The following NDC1 variants were observed in gnomAD, a reference collection of about 807,000 sequenced individuals.
The protein encoded by NDC1 is nucleoporin NDC1.
In NDC1, 24 loss-of-function variants were observed where a neutral mutation model predicts 89.8. The observed-to-expected ratio is 0.27, with a 90% CI of 0.19 to 0.38. The LOEUF (loss-of-function observed/expected upper bound fraction) is 0.38. Among genes scored for constraint, NDC1 ranks in the 10% least tolerant of loss-of-function variants. The pLI is 1.00. For synonymous variants in NDC1, 296 were observed against 284.8 expected (o/e 1.04, Z -0.39); for missense variants, 728 against 797.6 (o/e 0.91, Z 1.05).
At position 53,800,837 on chromosome 1, in the gene NDC1, G is replaced by A; in HGVS notation, c.1078C>T (p.His360Tyr). 1.3e-6 allele frequency: 2 copies of A among 1,597,730 alleles called. No homozygotes were observed. The highest frequency in any genetic ancestry group is 1.4e-5 in the African/African-American group (1 of 73,960). Residue 360 changes from histidine (H) to tyrosine (Y), a missense_variant, in exon 11 of 18, where the codon CAC becomes TAC. Physicochemically the swap from His to Tyr is moderately conservative, Grantham distance 83. Transcript: ENST00000371429. ...TCCCTTGAAATGGCTGTCCAATTGT[G>A]GGGATGTCCACCTAGGAGGTCCAAA... ...FSLSQPGGHPHNWTAISRECL... is the reference protein window; with the variant it reads ...FSLSQPGGHPYNWTAISRECL...
intron 17 of NDC1, among the ~76,000 whole-genome samples, chr1:53,770,429 C>G (rs1196732601): frequency 6.6e-6 from 1 of 152,066 alleles, no homozygotes. Flanking sequence ...GCATCAGCCT[C>G]TGGAGTAGCT....
chr1:53,836,650 C>A (rs113016399), intron 1 of NDC1, among the ~76,000 whole-genome samples: 2 of 151,780 alleles, frequency 1.3e-5, no homozygotes, highest in Non-Finnish European at 2.9e-5. Context: ...TGCCCGCCAC[C>A]ACACCTGACT....
chr1:53,837,559 G>T (rs1174272903), intron 1 of NDC1, among the ~76,000 whole-genome samples: 1 of 151,454 alleles, frequency 6.6e-6, no homozygotes, highest in Admixed American at 6.6e-5. Flanking sequence ...AACAGGGAGC[G>T]AGCCTCCGGC....
At chr1:53,834,728 T>C (rs1037034238) in intron 2 of NDC1, among the ~76,000 whole-genome samples, 1 of 152,164 alleles carries the variant, frequency 6.6e-6, no homozygotes, top group African/African-American at 2.4e-5. Flanking sequence ...TGGCACACGG[T>C]AAACAGGCAA....
At position 53,806,511 on chromosome 1, in the gene NDC1, C is replaced by T; in HGVS notation, c.898G>A (p.Val300Met). ...LFKIYATEAH[V>M]FPVQPPFAEG... Reference sequence around the variant, plus strand: ...GCAAATGGTGGTTGAACAGGAAACACATGAGCCTATCAAATAAATTAAAAA... The same window carrying T: ...GCAAATGGTGGTTGAACAGGAAACATATGAGCCTATCAAATAAATTAAAAA... Residue 300 changes from valine to methionine, a missense_variant, in exon 9 of 18, where the codon GTG becomes ATG. By Grantham distance (21) the Val-to-Met change is conservative. Transcript: ENST00000371429. 1 of 1,484,786 alleles carries T rather than the reference C, an allele frequency of 6.7e-7. No individual in the cohort carries two copies. Among genetic ancestry groups the T allele is most frequent in the East Asian group, 2.5e-5 (1 of 39,422 alleles). The allele number at this position is 1,484,786 out of a possible 1,614,324, so 92.0% of individuals were successfully genotyped here. A position where few individuals can be genotyped will look rare whatever the true frequency, so the allele number is the denominator to read the frequency against.
intron 16 of NDC1, among the ~76,000 whole-genome samples, chr1:53,779,804 C>T (rs1229925697): frequency 1.3e-5 from 2 of 152,180 alleles, no homozygotes; most frequent in African/African-American, 2.4e-5. Context: ...TTTTGGAATA[C>T]TATGCAAATG....
At chr1:53,774,079 A>G (rs1191347998) in intron 16 of NDC1, among the ~76,000 whole-genome samples, 1 of 152,156 alleles carries the variant, frequency 6.6e-6, no homozygotes, top group African/African-American at 2.4e-5. Context: ...CAGCTTTGAA[A>G]GTTTTGTTGC....
chr1:53,780,365 C>T (rs540013243), intron 16 of NDC1, among the ~76,000 whole-genome samples: 80 of 152,314 alleles, frequency 5.3e-4, no homozygotes, highest in African/African-American at 1.8e-3. Flanking sequence ...TGAGCCACCG[C>T]GCCCAGCCTC....
intron 16 of NDC1, among the ~76,000 whole-genome samples, chr1:53,777,210 G>A (rs758047057): frequency 2.0e-5 from 3 of 152,024 alleles, no homozygotes; most frequent in Non-Finnish European, 4.4e-5. Flanking sequence ...TTTTTATAGA[G>A]ACAGGATCTC....
chr1:53,793,567 T>C (rs1312553809), intron 13 of NDC1, among the ~76,000 whole-genome samples: 1 of 152,156 alleles, frequency 6.6e-6, no homozygotes, highest in Non-Finnish European at 1.5e-5. Flanking sequence ...CTAAGTGGTT[T>C]TGGTGAAATT....
intron 10 of NDC1, among the ~76,000 whole-genome samples, chr1:53,803,636 A>G (rs1048846026): frequency 4.6e-5 from 7 of 152,216 alleles, no homozygotes; most frequent in Admixed American, 6.5e-5. Context: ...CAGTAGCGCA[A>G]TCTCGGCTCA....
At chr1:53,774,200 G>A (rs183691923) in intron 16 of NDC1, among the ~76,000 whole-genome samples, 62 of 152,202 alleles carry the variant, frequency 4.1e-4, no homozygotes, top group African/African-American at 1.5e-3. Context: ...AGTCTGCCAC[G>A]GTAACTTTAG....
intron 16 of NDC1, among the ~76,000 whole-genome samples, chr1:53,776,386 T>C (rs1034912683): frequency 6.6e-6 from 1 of 152,190 alleles, no homozygotes; most frequent in Non-Finnish European, 1.5e-5. Flanking sequence ...AATTGAGATA[T>C]GCTACAAAGT....
At chr1:53,820,475 A>G (rs978833879) in intron 5 of NDC1, among the ~76,000 whole-genome samples, 1 of 152,050 alleles carries the variant, frequency 6.6e-6, no homozygotes, top group Non-Finnish European at 1.5e-5. Context: ...AACATGGCAC[A>G]TGTATACATA....
chr1:53,787,354 A>G, intron 15 of NDC1, 96 bp from the exon 16 acceptor site: 3 of 726,054 alleles, frequency 4.1e-6, no homozygotes, highest in Middle Eastern at 4.0e-4. Flanking sequence ...TTCTGAATAT[A>G]AAAAGAAATA....
chr1:53,774,753 G>A (rs1206888146), intron 16 of NDC1, among the ~76,000 whole-genome samples: 1 of 151,988 alleles, frequency 6.6e-6, no homozygotes, highest in Non-Finnish European at 1.5e-5. Context: ...GCTGGATGTG[G>A]TCCAATACCT....
intron 11 of NDC1, 88 bp downstream of exon 11, chr1:53,800,605 G>A (rs142869965): frequency 1.0e-5 from 15 of 1,459,258 alleles, no homozygotes; most frequent in Admixed American, 6.9e-5. Flanking sequence ...GATAACAGGC[G>A]TGAGCCACAG....
intron 16 of NDC1, among the ~76,000 whole-genome samples, chr1:53,786,612 T>A (rs915752837): frequency 3.9e-5 from 6 of 152,248 alleles, no homozygotes; most frequent in African/African-American, 1.4e-4. Context: ...CAGGGGCATA[T>A]CCTACAGGTT....
intron 14 of NDC1, among the ~76,000 whole-genome samples, chr1:53,789,829 C>T (rs1390978921): frequency 6.7e-6 from 1 of 148,648 alleles, no homozygotes; most frequent in East Asian, 2.0e-4. Flanking sequence ...TTTGGCTAGG[C>T]GTGGTGGCTC....
Sources: gnomAD v4.1 joint callset for allele counts (sites outside exome capture counted in the v4.1 genomes callset) on GRCh38, gnomAD v4.1.1 for gene constraint, MANE v1.5 for transcripts, NCBI Gene and HGNC (gene_info 2026-07-23, HGNC 2026-07-21) for gene names.